UQCC1: variants seen among roughly 807,000 people sequenced by gnomAD.
UQCC1 encodes ubiquinol-cytochrome c reductase complex assembly factor 1.
Under a neutral mutation model 48.0 loss-of-function variants are expected in UQCC1, and 38 were observed. The ratio of observed to expected loss-of-function variants is 0.79; its 90% CI spans 0.61 to 1.04. The LOEUF is 1.04. UQCC1 is among the 50% of genes least tolerant of loss of function. The probability of loss-of-function intolerance (pLI) is 0.00; values close to 1 mark genes in which losing one functional copy is unlikely to be tolerated. For missense variants in UQCC1, 368 were observed against 381.8 expected, an observed-to-expected ratio of 0.96 and a Z score of 0.30; for synonymous variants, 111 against 129.2, an observed-to-expected ratio of 0.86 and a Z score of 0.95.
At chr20:35,361,855 T>C (rs553153485) in intron 6 of UQCC1, among the ~76,000 whole-genome samples, 1 of 152,358 alleles carries the variant, frequency 6.6e-6, no homozygotes, top group Admixed American at 6.5e-5. Context: ...TAATTGTATT[T>C]ATGAAATACC....
intron 7 of UQCC1, among the ~76,000 whole-genome samples, chr20:35,326,073 A>T (rs2061190041): frequency 6.6e-6 from 1 of 152,246 alleles, no homozygotes; most frequent in South Asian, 2.1e-4. Flanking sequence ...TACAGATCAC[A>T]AAGTTGGGGG....
intron 7 of UQCC1, among the ~76,000 whole-genome samples, chr20:35,337,202 T>G (rs898370732): frequency 3.9e-5 from 6 of 152,004 alleles, no homozygotes; most frequent in Non-Finnish European, 8.8e-5. Context: ...TTTTTTTTTT[T>G]TTTTGAGACA....
At chr20:35,385,922 TC>T (rs1568699834) in intron 2 of UQCC1, among the ~76,000 whole-genome samples, 1 of 150,612 alleles carries the variant, frequency 6.6e-6, no homozygotes, top group Non-Finnish European at 1.5e-5. Flanking sequence ...ACATACCCCT[TC>T]CCCCACATGC....
At chr20:35,407,708 A>G (rs746364357) in intron 1 of UQCC1, among the ~76,000 whole-genome samples, 1 of 152,176 alleles carries the variant, frequency 6.6e-6, no homozygotes, top group Non-Finnish European at 1.5e-5. Context: ...CAACATAGCA[A>G]AACCCCATCT....
intron 6 of UQCC1, among the ~76,000 whole-genome samples, chr20:35,359,209 T>C (rs981708602): frequency 6.6e-6 from 1 of 152,192 alleles, no homozygotes; most frequent in Non-Finnish European, 1.5e-5. Context: ...GTAAGATGCA[T>C]TTACATTCAT....
intron 7 of UQCC1, among the ~76,000 whole-genome samples, chr20:35,339,292 T>C (rs1002142936): frequency 6.6e-6 from 1 of 152,070 alleles, no homozygotes; most frequent in Non-Finnish European, 1.5e-5. Flanking sequence ...AGAATCCTTA[T>C]CCCATCTAAC....
Position 35,306,756 on chromosome 20 carries a change from C to T in UQCC1, c.675G>A (p.Gly225=). 1 of 1,614,040 alleles carries T rather than the reference C, an allele frequency of 6.2e-7. No individual in the cohort carries two copies. The highest frequency in any genetic ancestry group is 1.1e-5 in the South Asian group (1 of 91,074). ...YDEGILSDDH[G]LAAALWRTFF... ...AGGTTCTCCAGAGGGCAGCGGCCAGCCCATGATCATCTGAAAGGATCCCCT... is the reference window on the plus strand; with the variant it reads ...AGGTTCTCCAGAGGGCAGCGGCCAGTCCATGATCATCTGAAAGGATCCCCT... Residue 225 remains glycine (G), a synonymous_variant, in exon 9 of 10, where the codon GGG becomes GGA. Transcript: ENST00000374385.
intron 2 of UQCC1, among the ~76,000 whole-genome samples, chr20:35,389,017 G>A (rs1341791486): frequency 2.6e-5 from 4 of 151,966 alleles, no homozygotes; most frequent in African/African-American, 7.3e-5. Flanking sequence ...AGTGAGCCAA[G>A]ATCGCACCAC....
chr20:35,384,705 A>C (rs184437503), intron 2 of UQCC1: 122 of 444,386 alleles, frequency 2.7e-4, no homozygotes, highest in Non-Finnish European at 4.5e-4. Flanking sequence ...GGCGTGGCTC[A>C]CACCTGTAAT....
In UQCC1 at chr20:35,385,580, C is replaced by T. The variant is rs181304175; in HGVS notation, c.130-1447G>A. On this transcript the variant is annotated intron_variant, in intron 2 of 9. Coordinates refer to ENST00000374385, the MANE Select transcript of UQCC1 (RefSeq NM_018244.5). ...GCAGTGGTGCAATCTCAGCTGACTGCAACCTCCACCTCCCCGGCTCAAGCA... is the reference window on the plus strand; with the variant it reads ...GCAGTGGTGCAATCTCAGCTGACTGTAACCTCCACCTCCCCGGCTCAAGCA... Among the ~76,000 whole-genome samples, 98 of 152,300 alleles carry T rather than the reference C, an allele frequency of 6.4e-4. 1 individual carries two copies. The East Asian group carries it at 0.018, about 28-fold the overall frequency.
intron 1 of UQCC1, among the ~76,000 whole-genome samples, chr20:35,410,716 A>AAAAAAAAAAAAAAAAAAAAAAAAAAAAAC (rs1370852913): frequency 1.8e-5 from 2 of 108,764 alleles, no homozygotes; most frequent in African/African-American, 3.9e-5. Context: ...AAAAAAAAAA[A>AAAAAAAAAAAAAAAAAAAAAAAAAAAAAC]AAAAAAAACA....
chr20:35,304,110 G>C (rs199932647), intron 9 of UQCC1, 41 bp from the exon 10 acceptor site: 59 of 1,612,302 alleles, frequency 3.7e-5, no homozygotes, highest in Non-Finnish European at 4.8e-5. Flanking sequence ...GACAGAGGCA[G>C]GGCAGAGGTG....
intron 8 of UQCC1, among the ~76,000 whole-genome samples, chr20:35,312,684 T>A (rs2061007577): frequency 6.6e-6 from 1 of 152,128 alleles, no homozygotes; most frequent in Non-Finnish European, 1.5e-5. Flanking sequence ...AAATATCAGG[T>A]GTTCATTACA....
intron 1 of UQCC1, 57 bp downstream of exon 1, chr20:35,411,883 G>A: frequency 6.2e-7 from 1 of 1,603,848 alleles, no homozygotes; most frequent in Non-Finnish European, 8.5e-7. Flanking sequence ...GCCCTGCCTT[G>A]TCGAACTCCA....
chr20:35,390,778 T>C (rs2062004611), intron 2 of UQCC1, among the ~76,000 whole-genome samples: 1 of 152,118 alleles, frequency 6.6e-6, no homozygotes, highest in African/African-American at 2.4e-5. Flanking sequence ...TTTAACCAAG[T>C]GGCCAAAGTT....
Position 35,384,085 on chromosome 20 carries a change from G to A in UQCC1, c.178C>T (p.Pro60Ser), listed in dbSNP as rs1343604515. The change falls in exon 3 of 10, where the codon CCT becomes TCT. Residue 60 changes from proline (P) to serine (S), a missense_variant. Transcript: ENST00000374385. The part of the protein sequence containing the change: ...SRACGGSEQI[P>S]GIDIQLNRKY... ...CTATTCAGCTGTATGTCTATTCCAG[G>A]AATCTGTTCTGATCCACCACATGCT... 12 of 1,612,976 alleles carry A rather than the reference G, an allele frequency of 7.4e-6. No individual in the cohort carries two copies. The highest frequency in any genetic ancestry group is 1.0e-5 in the Non-Finnish European group (12 of 1,179,194).
intron 7 of UQCC1, 192 bp downstream of exon 7, chr20:35,346,972 A>C (rs1265235482): frequency 6.6e-7 from 1 of 1,520,024 alleles, no homozygotes; most frequent in African/African-American, 1.4e-5. Flanking sequence ...TAATGTGTAC[A>C]AACACATAAA....
intron 8 of UQCC1, among the ~76,000 whole-genome samples, chr20:35,308,079 G>A (rs1350000814): frequency 1.3e-5 from 2 of 152,218 alleles, no homozygotes; most frequent in African/African-American, 2.4e-5. Context: ...CACTTTATTC[G>A]ACATTTTATT....
chr20:35,310,635 ACT>A (rs1210090944), intron 8 of UQCC1, among the ~76,000 whole-genome samples: 49 of 96,488 alleles, frequency 5.1e-4, no homozygotes, highest in African/African-American at 2.1e-3. Context: ...ACAGAGTGAG[ACT>A]CTGTCTCAAA....
Sources: allele counts gnomAD v4.1 joint callset (sites outside exome capture counted in the v4.1 genomes callset), GRCh38; gene constraint gnomAD v4.1.1; transcripts MANE v1.5; gene names NCBI Gene and HGNC (gene_info 2026-07-23, HGNC 2026-07-21).